SETX: variants seen among roughly 807,000 people sequenced by gnomAD.
SETX encodes the protein senataxin, also known as helicase senataxin.
A neutral mutation model predicts 227.2 loss-of-function variants in SETX; 90 were observed. That is an observed-to-expected ratio of 0.40 (90% confidence interval 0.33 to 0.47). The LOEUF is 0.47. SETX is among the 20% of genes least tolerant of loss of function. The pLI, the probability that SETX is intolerant of heterozygous loss-of-function variation, is 0.91. For missense variants in SETX, 3,052 were observed against 3,181.5 expected (o/e 0.96, Z 0.98); for synonymous variants, 1,210 against 1,113.2 (o/e 1.09, Z -1.73).
intron 11 of SETX, among the ~76,000 whole-genome samples, chr9:132,307,449 G>A (rs952418986): frequency 6.6e-6 from 1 of 151,902 alleles, no homozygotes; most frequent in Non-Finnish European, 1.5e-5. Flanking sequence ...CCAGATTGGT[G>A]TTGAAATACT....
intron 11 of SETX, among the ~76,000 whole-genome samples, chr9:132,302,351 C>A: frequency 1.3e-5 from 1 of 78,202 alleles, no homozygotes. Flanking sequence ...AGCAAGAATC[C>A]ATCTCAAAAA....
rs995438480 is a variant in SETX at position 132,291,060 on chromosome 9, A to G, written c.6107-2409T>C. On this transcript the variant is annotated intron_variant, in intron 15 of 25. Coordinates refer to ENST00000224140, the MANE Select transcript of SETX (RefSeq NM_015046.7). The stretch of plus-strand genomic sequence containing the variant: ...AATAAATACAATGATTATATGAAAA[A>G]TGAATGGCTTATTTTTAGTTATCTA... 3.3e-5 allele frequency among the ~76,000 whole-genome samples: 5 copies of G among 152,078 alleles called. No individual in the cohort carries two copies. In the East Asian group the frequency reaches 5.8e-4, roughly 18 times the overall value.
At chr9:132,278,410 G>A (rs1387913245) in intron 20 of SETX, among the ~76,000 whole-genome samples, 153 bp from the exon 21 acceptor site, 1 of 138,956 alleles carries the variant, frequency 7.2e-6, no homozygotes, top group African/African-American at 2.6e-5. Context: ...AGGTGTTTCT[G>A]ACTCTGAGCC....
chr9:132,290,586 A>AC (rs1844234622), intron 15 of SETX, among the ~76,000 whole-genome samples: 1 of 149,570 alleles, frequency 6.7e-6, no homozygotes, highest in African/African-American at 2.5e-5. Flanking sequence ...AAAAAAAAAA[A>AC]AAAAAAAAAA....
At chr9:132,322,586 T>C (rs1297843157) in intron 10 of SETX, among the ~76,000 whole-genome samples, 1 of 152,244 alleles carries the variant, frequency 6.6e-6, no homozygotes, top group Non-Finnish European at 1.5e-5. Context: ...TTCCATTCAT[T>C]GTATGAACAG....
At chr9:132,310,142 A>G (rs2131348739) in intron 11 of SETX, among the ~76,000 whole-genome samples, 1 of 152,336 alleles carries the variant, frequency 6.6e-6, no homozygotes, top group East Asian at 1.9e-4. Context: ...GAGGTTACTG[A>G]GACAGCTACT....
intron 5 of SETX, among the ~76,000 whole-genome samples, chr9:132,336,874 G>A (rs1210100613): frequency 2.6e-5 from 4 of 151,976 alleles, no homozygotes; most frequent in Admixed American, 2.0e-4. Flanking sequence ...GACCAGCCTC[G>A]CCAACTTGGC....
chr9:132,353,666 A>T lies in SETX; in HGVS notation c.-25T>A, dbSNP rs1848721235. 6.6e-6 allele frequency: 1 copy of T among 152,226 alleles called. No homozygotes were observed. Among genetic ancestry groups the T allele is most frequent in the Non-Finnish European group, 1.5e-5 (1 of 68,062 alleles). The allele number at this position is 152,226 out of a possible 1,614,324, so 9.4% of individuals were successfully genotyped here. A position where few individuals can be genotyped will look rare whatever the true frequency, so the allele number is the denominator to read the frequency against. ...ATTATTACCTGGACAAATGGCCTAC[A>T]GAAAAGTGATCGTCTCAGCTGGGCT... On this transcript the variant is annotated 5_prime_UTR_variant, in exon 2 of 26. Coordinates refer to ENST00000224140, the MANE Select transcript of SETX (RefSeq NM_015046.7).
rs1846818781 is a variant in SETX at position 132,326,859 on chromosome 9, C to T, written c.4739G>A (p.Arg1580His). 4 of 1,614,184 alleles carry T rather than the reference C, an allele frequency of 2.5e-6. No homozygotes were observed. The highest frequency in any genetic ancestry group is 2.7e-5 in the African/African-American group (2 of 75,024). Residue 1580 changes from arginine to histidine, a missense_variant, in exon 10 of 26, where the codon CGT becomes CAT. By Grantham distance (29) the Arg-to-His change is conservative. Transcript: ENST00000224140. ...TGCAGGAGGAGGCAAGCCAGGTTTA[C>T]GAAATACATCTTCATCTGCTGCTTT... is the stretch of plus-strand genomic sequence containing the variant. ...EVKAADEDVF[R>H]KPGLPPPASK...
At position 132,263,149 on chromosome 9, in the gene SETX, T is replaced by C. The variant is rs1842476174; in HGVS notation, c.*1090A>G. The C allele has an allele frequency of 6.6e-6, 1 of 152,246 alleles. No individual in the cohort carries two copies. Among genetic ancestry groups the C allele is most frequent in the Admixed American group, 6.5e-5 (1 of 15,282 alleles). 9.4% of individuals were successfully genotyped at this position (152,246 alleles called of 1,614,324 possible). A position where few individuals can be genotyped will look rare whatever the true frequency, so the allele number is the denominator to read the frequency against. On this transcript the variant is annotated 3_prime_UTR_variant, in exon 26 of 26. Coordinates refer to ENST00000224140, the MANE Select transcript of SETX (RefSeq NM_015046.7). ...AGATCACAGGAAGTCTACCACTCTC[T>C]TCCCAGTTCTGAACTCCTCTGGTTA...
chr9:132,328,400 C>G lies in SETX; in HGVS notation c.3198G>C (p.Lys1066Asn). 4 of 1,613,986 alleles carry G rather than the reference C, an allele frequency of 2.5e-6. No individual in the cohort carries two copies. The highest frequency in any genetic ancestry group is 3.4e-6 in the Non-Finnish European group (4 of 1,179,990). The stretch of plus-strand genomic sequence containing the variant: ...CCTCAAACTGAAAAAGAGTCTCTGT[C>G]TTTTCTTCCTTTACTGGATTCTTTT... Reference protein sequence around the residue: ...KEEKNPVKEEKTETLFQFEES... With the variant: ...KEEKNPVKEENTETLFQFEES... The change falls in exon 10 of 26, where the codon AAG becomes AAC. Residue 1066 changes from lysine (K) to asparagine (N), a missense_variant. By Grantham distance (94) the Lys-to-Asn change is moderately conservative. Coordinates refer to ENST00000224140, the MANE Select transcript of SETX (RefSeq NM_015046.7).
chr9:132,328,786 A>C lies in SETX; in HGVS notation c.2812T>G (p.Leu938Val). 1 of 1,610,994 alleles carries C rather than the reference A, an allele frequency of 6.2e-7. No homozygotes were observed. The highest frequency in any genetic ancestry group is 8.5e-7 in the Non-Finnish European group (1 of 1,178,776). The change falls in exon 10 of 26, where the codon TTG (leucine) becomes GTG (valine). Residue 938 changes from leucine (L) to valine (V), a missense_variant. Leu to Val is a conservative substitution (Grantham distance 32). Coordinates refer to ENST00000224140, the MANE Select transcript of SETX (RefSeq NM_015046.7). Reference protein sequence around the residue: ...SNSTSVIYSNLTREQAPDISP... With the variant: ...SNSTSVIYSNVTREQAPDISP... ...ATGTCAGGGGCCTGTTCTCTTGTCA[A>C]GTTAGAATAAATCACACTGGTACTA... is the stretch of plus-strand genomic sequence containing the variant.
At chr9:132,269,584 T>C (rs375634304) in intron 25 of SETX, 31 bp downstream of exon 25, 10 of 1,612,534 alleles carry the variant, frequency 6.2e-6, no homozygotes, top group Middle Eastern at 1.6e-4. Context: ...ACAGTAACAA[T>C]GGGTAAACTT....
chr9:132,347,323 A>AT (rs894450107), intron 3 of SETX, among the ~76,000 whole-genome samples: 105 of 150,744 alleles, frequency 7.0e-4, no homozygotes, highest in African/African-American at 2.4e-3. Flanking sequence ...AACACTTTTT[A>AT]TTTTTTTTTG....
chr9:132,337,629 A>G (rs955981766), intron 5 of SETX, among the ~76,000 whole-genome samples: 13 of 152,222 alleles, frequency 8.5e-5, no homozygotes, highest in African/African-American at 2.9e-4. Context: ...ATAAGCAACA[A>G]ATTATAAACT....
chr9:132,281,714 G>T, intron 19 of SETX, 140 bp from the exon 20 acceptor site: 1 of 722,274 alleles, frequency 1.4e-6, no homozygotes, highest in Non-Finnish European at 2.4e-6. Flanking sequence ...AATTTTCCCT[G>T]AAAACAAAAA....
At chr9:132,288,020 C>G (rs993488447) in intron 17 of SETX, among the ~76,000 whole-genome samples, 1 of 152,124 alleles carries the variant, frequency 6.6e-6, no homozygotes, top group Admixed American at 6.5e-5. Flanking sequence ...ATTAAAAATA[C>G]AGAAAATTAG....
rs761920196 is a variant in SETX at position 132,264,515 on chromosome 9, A to G, written c.7758T>C (p.His2586=). The G allele has an allele frequency of 1.2e-6, 2 of 1,613,894 alleles. No homozygotes were observed. Among genetic ancestry groups the G allele is most frequent in the East Asian group, 2.2e-5 (1 of 44,856 alleles). The stretch of plus-strand genomic sequence containing the variant: ...CCACTACAGCAGCGGGCTGCTGTAT[A>G]TGGCTCAGGTCCTGGTGAACGACAG... ...GFPVVHQDLS[H]IQQPAAVVAA... is the part of the protein sequence containing the mutation. Residue 2586 remains histidine, a synonymous_variant, in exon 26 of 26, where the codon CAT becomes CAC. Coordinates refer to ENST00000224140, the MANE Select transcript of SETX (RefSeq NM_015046.7).
chr9:132,301,849 A>T (rs1458584070), intron 11 of SETX, among the ~76,000 whole-genome samples: 3 of 152,220 alleles, frequency 2.0e-5, no homozygotes, highest in East Asian at 3.8e-4. Context: ...ACTACATGGG[A>T]CTAGGAAAAC....
Sources: allele counts gnomAD v4.1 joint callset (sites outside exome capture counted in the v4.1 genomes callset), GRCh38; gene constraint gnomAD v4.1.1; transcripts MANE v1.5; gene names NCBI Gene and HGNC (gene_info 2026-07-23, HGNC 2026-07-21).